Variants in CCBE1 observed in about 807,000 individuals in gnomAD.
CCBE1 encodes the protein collagen and calcium-binding EGF domain-containing protein 1.
Under a neutral mutation model 50.0 loss-of-function variants are expected in CCBE1, and 37 were observed. The observed-to-expected ratio is 0.74, with a 90% confidence interval of 0.57 to 0.97. CCBE1 has a LOEUF of 0.97. Ranked by LOEUF, CCBE1 falls within the 50% of genes least tolerant of loss-of-function variation. The pLI is 0.00. For synonymous variants in CCBE1, 234 were observed against 203.7 expected (o/e 1.15, Z -1.27); for missense variants, 538 against 523.8 (o/e 1.03, Z -0.26).
chr18:59,504,841 C>T (rs1411292676), intron 2 of CCBE1, among the ~76,000 whole-genome samples: 1 of 152,096 alleles, frequency 6.6e-6, no homozygotes, highest in Non-Finnish European at 1.5e-5. Context: ...ACACAGCGAC[C>T]TCCTCTCCCC....
intron 2 of CCBE1, among the ~76,000 whole-genome samples, chr18:59,618,361 G>A (rs971563409): frequency 6.6e-6 from 1 of 151,752 alleles, no homozygotes; most frequent in Non-Finnish European, 1.5e-5. Flanking sequence ...GATGTAAAAT[G>A]TAGAGTAGCC....
intron 2 of CCBE1, among the ~76,000 whole-genome samples, chr18:59,511,697 A>G (rs1043832751): frequency 6.6e-6 from 1 of 152,206 alleles, no homozygotes; most frequent in African/African-American, 2.4e-5. Context: ...GTCAAACATT[A>G]GGTCTTATTT....
At chr18:59,466,056 C>A (rs1911725026) in intron 5 of CCBE1, among the ~76,000 whole-genome samples, 1 of 151,992 alleles carries the variant, frequency 6.6e-6, no homozygotes, top group Non-Finnish European at 1.5e-5. Flanking sequence ...TGCCCACTTG[C>A]CTGCTTGTCC....
intron 2 of CCBE1, among the ~76,000 whole-genome samples, chr18:59,678,988 G>A (rs934995474): frequency 4.6e-5 from 7 of 152,132 alleles, no homozygotes; most frequent in Non-Finnish European, 7.4e-5. Context: ...TAAATAAAAT[G>A]TTAGCTTCCC....
chr18:59,538,462 C>T (rs1370558679), intron 2 of CCBE1, among the ~76,000 whole-genome samples: 1 of 152,234 alleles, frequency 6.6e-6, no homozygotes, highest in Non-Finnish European at 1.5e-5. Context: ...GTCTCCCAAA[C>T]TTGCCCTGTC....
intron 2 of CCBE1, among the ~76,000 whole-genome samples, chr18:59,679,973 C>T (rs974198229): frequency 6.6e-6 from 1 of 152,174 alleles, no homozygotes; most frequent in African/African-American, 2.4e-5. Context: ...CCTGTAATCC[C>T]AGCACTTTGG....
intron 2 of CCBE1, among the ~76,000 whole-genome samples, chr18:59,650,288 G>A (rs868339286): frequency 1.3e-5 from 2 of 151,166 alleles, no homozygotes; most frequent in African/African-American, 4.9e-5. Context: ...CAGGTGAGAT[G>A]GGAGAGACCA....
At chr18:59,668,015 T>C (rs2054379092) in intron 2 of CCBE1, among the ~76,000 whole-genome samples, 1 of 151,994 alleles carries the variant, frequency 6.6e-6, no homozygotes, top group Non-Finnish European at 1.5e-5. Context: ...TTAGGAGAAA[T>C]ACATAAATGT....
intron 2 of CCBE1, among the ~76,000 whole-genome samples, chr18:59,495,064 C>T (rs902160908): frequency 6.6e-6 from 1 of 152,086 alleles, no homozygotes; most frequent in African/African-American, 2.4e-5. Context: ...TTGCTTGAAA[C>T]TGGGAGGCGA....
chr18:59,518,473 G>A (rs1299963515), intron 2 of CCBE1, among the ~76,000 whole-genome samples: 2 of 152,182 alleles, frequency 1.3e-5, no homozygotes, highest in African/African-American at 4.8e-5. Context: ...ACTATAAACA[G>A]AATTCTAAAT....
At chr18:59,669,617 C>A (rs1308589067) in intron 2 of CCBE1, among the ~76,000 whole-genome samples, 1 of 152,224 alleles carries the variant, frequency 6.6e-6, no homozygotes, top group Admixed American at 6.5e-5. Flanking sequence ...GCTTTCAAGC[C>A]CAGGTCTCCA....
chr18:59,634,948 ATTAGAAACCCAAGAGAAAG>A (rs1334965864), intron 2 of CCBE1, among the ~76,000 whole-genome samples: 1 of 152,198 alleles, frequency 6.6e-6, no homozygotes, highest in East Asian at 1.9e-4. Context: ...CATATGTCTA[ATTAGAAACCCAAGAGAAAG>A]AAGAAACAGA....
intron 2 of CCBE1, among the ~76,000 whole-genome samples, chr18:59,622,811 A>AT (rs994572904): frequency 5.3e-5 from 7 of 131,042 alleles, no homozygotes; most frequent in African/African-American, 2.3e-4. Flanking sequence ...CAAAAAAAAA[A>AT]GAAAGAAAAA....
At chr18:59,604,110 T>C (rs2053465412) in intron 2 of CCBE1, among the ~76,000 whole-genome samples, 1 of 152,194 alleles carries the variant, frequency 6.6e-6, no homozygotes, top group African/African-American at 2.4e-5. Flanking sequence ...AAGGATCCAA[T>C]GGAGAAAGTA....
intron 7 of CCBE1, among the ~76,000 whole-genome samples, chr18:59,441,546 C>T (rs553714415): frequency 6.6e-6 from 1 of 150,758 alleles, no homozygotes; most frequent in Non-Finnish European, 1.5e-5. Context: ...ATCAGCAGGA[C>T]AAGCCTCAGA....
At chr18:59,534,639 A>G (rs1238477827) in intron 2 of CCBE1, among the ~76,000 whole-genome samples, 1 of 152,200 alleles carries the variant, frequency 6.6e-6, no homozygotes, top group Non-Finnish European at 1.5e-5. Context: ...CCCAAGACCT[A>G]TGAGATCAGG....
intron 3 of CCBE1, among the ~76,000 whole-genome samples, chr18:59,470,833 G>C (rs2143737332): frequency 6.6e-6 from 1 of 152,236 alleles, no homozygotes; most frequent in East Asian, 1.9e-4. Context: ...ACATATGAAG[G>C]TGAACGGGTG....
At chr18:59,696,000 A>G (rs1488529086) in intron 2 of CCBE1, among the ~76,000 whole-genome samples, 1 of 152,216 alleles carries the variant, frequency 6.6e-6, no homozygotes, top group East Asian at 1.9e-4. Flanking sequence ...CCTGGGGAAC[A>G]TTTTATAACT....
At chr18:59,522,993 C>CAAACAAAAAAAAAAAAAAAAAAA (rs1914670118) in intron 2 of CCBE1, among the ~76,000 whole-genome samples, 1 of 89,222 alleles carries the variant, frequency 1.1e-5, no homozygotes, top group Non-Finnish European at 2.2e-5. Context: ...GACTCTGTTT[C>CAAACAAAAAAAAAAAAAAAAAAA]AAAAAAAAAA....
Sources: allele counts gnomAD v4.1 joint callset (sites outside exome capture counted in the v4.1 genomes callset), GRCh38; gene constraint gnomAD v4.1.1; transcripts MANE v1.5; gene names NCBI Gene and HGNC (gene_info 2026-07-23, HGNC 2026-07-21).